Variants in ACER1 observed in about 807,000 individuals in gnomAD.
ACER1 encodes the protein alkaline ceramidase 1.
A neutral mutation model predicts 24.9 loss-of-function variants in ACER1; 28 were observed. That is an observed-to-expected ratio of 1.13 (90% CI 0.83 to 1.54). ACER1 has a LOEUF of 1.54. Ranked by LOEUF, ACER1 falls within the 40% of genes most tolerant of loss-of-function variation. The pLI is 0.00. For missense variants in ACER1, 352 were observed against 349.3 expected (o/e 1.01, Z -0.06); for synonymous variants, 132 against 131.4 (o/e 1.00, Z -0.03).
At chr19:6,324,838 A>C (rs1229442278) in intron 1 of ACER1, among the ~76,000 whole-genome samples, 4 of 146,382 alleles carry the variant, frequency 2.7e-5, no homozygotes. Flanking sequence ...GGAAGGAAGG[A>C]AGGAAGGAAA....
chr19:6,315,193 A>ATATTTATT (rs150191095), intron 1 of ACER1, among the ~76,000 whole-genome samples: 1 of 148,820 alleles, frequency 6.7e-6, no homozygotes, highest in African/African-American at 2.5e-5. Flanking sequence ...TTATTTATTT[A>ATATTTATT]TATTTATTTA....
In ACER1 at chr19:6,307,932, C is replaced by CA. The variant is rs1246761244; in HGVS notation, c.489-643dup. ...TGAAACTCTGACTCTACTAAAAATA[C>CA]AAAAAAAAAATTAGCCGGCCATGGT... On this transcript the variant is annotated intron_variant, in intron 4 of 5. Transcript: ENST00000301452. Among the ~76,000 whole-genome samples the CA allele has an allele frequency of 6.2e-3, 910 of 146,592 alleles. 5 individuals are homozygous for CA. The highest frequency in any genetic ancestry group is 0.013 in the African/African-American group (515 of 40,012).
chr19:6,346,382 A>G, the ACER1 span, among the ~76,000 whole-genome samples: 1 of 151,766 alleles, frequency 6.6e-6, no homozygotes, highest in Non-Finnish European at 1.5e-5. Context: ...ACCTAAATCC[A>G]ATAACCTCAA....
intron 1 of ACER1, among the ~76,000 whole-genome samples, chr19:6,318,669 C>G (rs1199629207): frequency 6.8e-6 from 1 of 147,014 alleles, no homozygotes; most frequent in African/African-American, 2.5e-5. Flanking sequence ...GCCTGTAGTC[C>G]CAGCTACTTG....
At chr19:6,335,225 T>TTTTTG (rs2091709031), upstream of ACER1, among the ~76,000 whole-genome samples, 1 of 90,496 alleles carries the variant, frequency 1.1e-5, no homozygotes, top group African/African-American at 5.4e-5. Context: ...TTTAACGTTC[T>TTTTTG]TTTTTTTTTT....
the ACER1 span, among the ~76,000 whole-genome samples, chr19:6,347,109 A>AAAAAAAAAAAAATATATATATAT: frequency 8.8e-6 from 1 of 113,822 alleles, no homozygotes; most frequent in African/African-American, 5.1e-5. Context: ...AAAAAAAAAA[A>AAAAAAAAAAAAATATATATATAT]ATATATATAT....
At chr19:6,322,720 C>A (rs1487870455) in intron 1 of ACER1, among the ~76,000 whole-genome samples, 1 of 152,162 alleles carries the variant, frequency 6.6e-6, no homozygotes, top group Non-Finnish European at 1.5e-5. Context: ...TAAATTGTAA[C>A]TCCCACAATT....
At chr19:6,315,637 C>A (rs551459426) in intron 1 of ACER1, among the ~76,000 whole-genome samples, 33 of 152,228 alleles carry the variant, frequency 2.2e-4, no homozygotes, top group Middle Eastern at 6.8e-3. Context: ...CCTCGGCTTC[C>A]CAAAGTGCTG....
At chr19:6,339,271 A>G in the ACER1 span, among the ~76,000 whole-genome samples, 3 of 152,216 alleles carry the variant, frequency 2.0e-5, no homozygotes, top group African/African-American at 4.8e-5. Context: ...ACCGTGGAAT[A>G]TTATTCAGCC....
chr19:6,307,493 G>A (rs1009556664), intron 4 of ACER1, among the ~76,000 whole-genome samples: 1 of 151,852 alleles, frequency 6.6e-6, no homozygotes, highest in African/African-American at 2.4e-5. Context: ...AGTTCCAAAT[G>A]TCCTTCAAGC....
At chr19:6,336,570 CA>C (rs1232423376), upstream of ACER1, among the ~76,000 whole-genome samples, 1 of 152,040 alleles carries the variant, frequency 6.6e-6, no homozygotes, top group Non-Finnish European at 1.5e-5. Flanking sequence ...CCTGTAATCC[CA>C]GCACTTTAGG....
At chr19:6,354,702 T>A in the ACER1 span, among the ~76,000 whole-genome samples, 1 of 152,116 alleles carries the variant, frequency 6.6e-6, no homozygotes, top group African/African-American at 2.4e-5. Flanking sequence ...GGAGGATTGC[T>A]CAAGCTCAGG....
chr19:6,322,261 T>C (rs1312238769), intron 1 of ACER1, among the ~76,000 whole-genome samples: 2 of 152,140 alleles, frequency 1.3e-5, no homozygotes, highest in Non-Finnish European at 2.9e-5. Context: ...ATAAATAAAA[T>C]AGAAACTGTA....
At chr19:6,332,384 C>A (rs151013543) in intron 1 of ACER1, among the ~76,000 whole-genome samples, 5 of 151,376 alleles carry the variant, frequency 3.3e-5, no homozygotes, top group Non-Finnish European at 7.4e-5. Context: ...AATCCTCCCC[C>A]CTCAGCCTCC....
chr19:6,342,561 T>C, the ACER1 span, among the ~76,000 whole-genome samples: 2 of 151,024 alleles, frequency 1.3e-5, no homozygotes, highest in African/African-American at 4.9e-5. Context: ...CTACTAAAAA[T>C]ACAAAAAATT....
chr19:6,357,155 C>T, the ACER1 span, among the ~76,000 whole-genome samples: 1 of 151,636 alleles, frequency 6.6e-6, no homozygotes, highest in Non-Finnish European at 1.5e-5. Flanking sequence ...AGCGATTCTC[C>T]TGCCTCAGTC....
At position 6,312,389 on chromosome 19, in the gene ACER1, G is replaced by T; in HGVS notation, c.204C>A (p.Ile68=). Residue 68 remains isoleucine, a synonymous_variant, in exon 2 of 6, where the codon ATC becomes ATA. Coordinates refer to ENST00000301452, the MANE Select transcript of ACER1 (RefSeq NM_133492.3). ...YIYVVWVLFM[I]IGLFSMYFHM... is the part of the protein sequence containing the mutation. ...ACCTGAACCACACCTCCCTACCTAT[G>T]ATCATGAAGAGGACCCAGACAACGT... The T allele has an allele frequency of 6.2e-7, 1 of 1,613,950 alleles. No individual in the cohort carries two copies. The highest frequency in any genetic ancestry group is 1.1e-5 in the South Asian group (1 of 91,060).
intron 1 of ACER1, among the ~76,000 whole-genome samples, chr19:6,333,211 A>G (rs1471923829): frequency 2.6e-5 from 4 of 152,148 alleles, no homozygotes; most frequent in Non-Finnish European, 5.9e-5. Context: ...CATCAGAGTT[A>G]GCTTAGGGAA....
the ACER1 span, among the ~76,000 whole-genome samples, chr19:6,355,213 T>A: frequency 6.6e-6 from 1 of 151,986 alleles, no homozygotes; most frequent in African/African-American, 2.4e-5. Context: ...CCTCCCAAAG[T>A]GCCGAGATTG....
Sources: allele counts gnomAD v4.1 joint callset (sites outside exome capture counted in the v4.1 genomes callset), GRCh38; gene constraint gnomAD v4.1.1; transcripts MANE v1.5; gene names NCBI Gene and HGNC (gene_info 2026-07-23, HGNC 2026-07-21).